ADARB1: variants seen among roughly 807,000 people sequenced by gnomAD.
ADARB1 encodes the protein adenosine deaminase RNA specific B1, also known as double-stranded RNA-specific editase 1.
A neutral mutation model predicts 52.4 loss-of-function variants in ADARB1; 10 were observed. That is an observed-to-expected ratio of 0.19 (90% CI 0.12 to 0.32). ADARB1 has a LOEUF of 0.32. Among genes scored for constraint, ADARB1 ranks in the 10% least tolerant of loss-of-function variants. The pLI, the probability that ADARB1 is intolerant of heterozygous loss-of-function variation, is 1.00. For missense variants in ADARB1, 643 were observed against 922.3 expected, an observed-to-expected ratio of 0.70 and a Z score of 3.92; for synonymous variants, 349 against 371.1, an observed-to-expected ratio of 0.94 and a Z score of 0.68.
At chr21:45,159,772 A>G (rs967727426) in intron 2 of ADARB1, among the ~76,000 whole-genome samples, 4 of 152,156 alleles carry the variant, frequency 2.6e-5, no homozygotes, top group Admixed American at 1.3e-4. Context: ...TGAACAAGGT[A>G]TGTCAGGCCA....
chr21:45,078,989 C>A (rs1206118612), intron 1 of ADARB1, among the ~76,000 whole-genome samples: 1 of 152,112 alleles, frequency 6.6e-6, no homozygotes, highest in Non-Finnish European at 1.5e-5. Context: ...GTGGCAATGG[C>A]AGGATGTACC....
chr21:45,180,268 G>C (rs1171066925), intron 4 of ADARB1, 62 bp from the exon 5 acceptor site: 1 of 1,216,452 alleles, frequency 8.2e-7, no homozygotes, highest in Non-Finnish European at 1.2e-6. Context: ...GCAGCATTGA[G>C]AGAGTGAGCC....
At position 45,176,066 on chromosome 21, in the gene ADARB1, G is replaced by A; in HGVS notation, c.365G>A (p.Gly122Asp). The change falls in exon 4 of 11, where the codon GGC (glycine) becomes GAC (aspartate). Residue 122 changes from glycine (G) to aspartate (D), a missense_variant. Transcript: ENST00000348831. This position sits in a 1 kb window ranked among gnomAD's most constrained non-coding sequence, Gnocchi z 5.8. ...GAGGTGAATGGCCAGGTTTTTGAGG[G>A]CTCTGGTCCCACAAAGAAAAAGGCA... ...SVEVNGQVFE[G>D]SGPTKKKAKL... The A allele has an allele frequency of 6.2e-7, 1 of 1,614,094 alleles. No homozygotes were observed. The highest frequency in any genetic ancestry group is 1.1e-5 in the South Asian group (1 of 91,074).
intron 2 of ADARB1, among the ~76,000 whole-genome samples, chr21:45,167,410 A>T (rs2091296767): frequency 6.6e-6 from 1 of 152,238 alleles, no homozygotes; most frequent in South Asian, 2.1e-4. Flanking sequence ...ATTATGTATA[A>T]GAATTAAATT....
At chr21:45,115,125 A>G (rs959906037) in intron 1 of ADARB1, among the ~76,000 whole-genome samples, 1 of 152,204 alleles carries the variant, frequency 6.6e-6, no homozygotes, top group Non-Finnish European at 1.5e-5. Context: ...CCAAACTTCC[A>G]GTGACAAACA....
intron 1 of ADARB1, chr21:45,117,127 G>C (rs2087872949): frequency 6.6e-6 from 1 of 152,220 alleles, no homozygotes; most frequent in East Asian, 1.9e-4. Flanking sequence ...ACCATGTGAA[G>C]TAGACAGCCT....
chr21:45,206,845 A>AT (rs1053296309), intron 9 of ADARB1, among the ~76,000 whole-genome samples: 3 of 152,214 alleles, frequency 2.0e-5, no homozygotes, highest in Admixed American at 6.5e-5. Context: ...AAGTGCTAGG[A>AT]TTACAGGCGT....
chr21:45,118,482 T>C (rs1009949774), intron 1 of ADARB1: 6 of 152,246 alleles, frequency 3.9e-5, no homozygotes, highest in Admixed American at 2.0e-4. Flanking sequence ...CTCATACTTA[T>C]TGATAATTTG....
intron 9 of ADARB1, among the ~76,000 whole-genome samples, chr21:45,210,892 A>G (rs115732468): frequency 1.3e-3 from 193 of 152,302 alleles, no homozygotes; most frequent in African/African-American, 4.4e-3. Context: ...CTTCATCTAC[A>G]TCCAGTTAGC....
intron 1 of ADARB1, among the ~76,000 whole-genome samples, chr21:45,095,305 C>G (rs563562691): frequency 4.5e-4 from 68 of 152,374 alleles, no homozygotes; most frequent in African/African-American, 1.2e-3. Context: ...CGGCCTTTGC[C>G]GTGAGCTCTG....
At chr21:45,140,573 G>A (rs149506543) in intron 2 of ADARB1, among the ~76,000 whole-genome samples, 119 of 152,258 alleles carry the variant, frequency 7.8e-4, no homozygotes, top group African/African-American at 2.6e-3. Context: ...GCTCAGTGGC[G>A]TTCTGAGCGG....
chr21:45,143,295 C>T (rs1004034758), intron 2 of ADARB1, among the ~76,000 whole-genome samples: 3 of 152,232 alleles, frequency 2.0e-5, no homozygotes, highest in Non-Finnish European at 4.4e-5. Context: ...CATCTTCTCT[C>T]AGGCATCTAT....
chr21:45,165,165 A>G (rs1001954036), intron 2 of ADARB1, among the ~76,000 whole-genome samples: 1 of 152,054 alleles, frequency 6.6e-6, no homozygotes, highest in Non-Finnish European at 1.5e-5. Context: ...CCCGTGATGC[A>G]TCCCTTTTAG....
intron 2 of ADARB1, among the ~76,000 whole-genome samples, chr21:45,160,858 G>A (rs751957002): frequency 3.2e-4 from 48 of 152,214 alleles, no homozygotes; most frequent in Non-Finnish European, 2.4e-4. Context: ...TTAAGTAATC[G>A]ACTTACATAG....
In ADARB1 at chr21:45,100,230, A is replaced by G. The variant is rs138375541; in HGVS notation, c.-220+25437A>G. ...TGCTCTTTGGAACTAGGTTGAAATG[A>G]TAGCTACAAGGTTCTTTGGAAGAAT... On this transcript the variant is annotated intron_variant, in intron 1 of 10. Coordinates refer to ENST00000348831, the MANE Select transcript of ADARB1 (RefSeq NM_001112.4). Among the ~76,000 whole-genome samples the G allele has an allele frequency of 3.1e-3, 476 of 152,358 alleles. 3 individuals are homozygous for G. Among genetic ancestry groups the G allele is most frequent in the African/African-American group, 0.011 (457 of 41,584 alleles).
rs1011151227 is a variant in ADARB1 at position 45,223,812 on chromosome 21, G to A, written c.*1615G>A. The A allele has an allele frequency of 2.8e-5, 28 of 985,366 alleles. 1 individual carries two copies. Among genetic ancestry groups the A allele is most frequent in the South Asian group, 1.4e-4 (3 of 21,278 alleles). 61.0% of individuals were successfully genotyped at this position (985,366 alleles called of 1,614,324 possible). On this transcript the variant is annotated 3_prime_UTR_variant, in exon 11 of 11. Transcript: ENST00000348831. Reference sequence around the variant, plus strand: ...TCCTGATGTCAGGAGCCCCATCCACGTGTGTCCACACAGATCTCGTCGCAG... The same window carrying A: ...TCCTGATGTCAGGAGCCCCATCCACATGTGTCCACACAGATCTCGTCGCAG...
Position 45,225,377 on chromosome 21 carries a change from G to A in ADARB1, c.*3180G>A, listed in dbSNP as rs2838819. The A allele has an allele frequency of 0.051, 64,027 of 1,259,274 alleles. 2,203 individuals are homozygous for A. The highest frequency in any genetic ancestry group is 0.17 in the African/African-American group (11,067 of 65,452). The allele number at this position is 1,259,274 out of a possible 1,614,324, so 78.0% of individuals were successfully genotyped here. A position where few individuals can be genotyped will look rare whatever the true frequency, so the allele number is the denominator to read the frequency against. On this transcript the variant is annotated 3_prime_UTR_variant, in exon 11 of 11. Transcript: ENST00000348831. ...CTTTTCATCATCTTTTCCTATTTTG[G>A]AGAATTTTTTGTAATTAAAAGCAAT... is the stretch of plus-strand genomic sequence containing the variant.
intron 1 of ADARB1, among the ~76,000 whole-genome samples, chr21:45,126,851 C>T (rs2088615867): frequency 6.6e-6 from 1 of 152,200 alleles, no homozygotes; most frequent in Admixed American, 6.5e-5. Context: ...CTGGGCTTCC[C>T]ATGCAGTTTC....
At chr21:45,218,841 T>A (rs1430065607) in intron 9 of ADARB1, among the ~76,000 whole-genome samples, 2 of 151,818 alleles carry the variant, frequency 1.3e-5, no homozygotes, top group African/African-American at 2.4e-5. Flanking sequence ...GCTTGACAGT[T>A]CAGTGTCTGG....
Sources: allele counts gnomAD v4.1 joint callset (sites outside exome capture counted in the v4.1 genomes callset), GRCh38; gene constraint gnomAD v4.1.1; non-coding constraint Gnocchi (gnomAD v3.1); transcripts MANE v1.5; gene names NCBI Gene and HGNC (gene_info 2026-07-23, HGNC 2026-07-21).